Variants in DGKH observed in about 807,000 individuals in gnomAD.
DGKH encodes DAG kinase eta.
A neutral mutation model predicts 159.3 loss-of-function variants in DGKH; 90 were observed. The observed-to-expected ratio is 0.57, with a 90% CI of 0.48 to 0.67. The LOEUF (loss-of-function observed/expected upper bound fraction) is 0.67, where lower values mean the gene tolerates loss of function less well. Ranked by LOEUF, DGKH falls within the 30% of genes least tolerant of loss-of-function variation. The pLI is 0.00. For missense variants in DGKH, 1,181 were observed against 1,506.1 expected (o/e 0.78, Z 3.57); for synonymous variants, 536 against 553.8 (o/e 0.97, Z 0.45).
chr13:42,220,132 C>T (rs938788453), intron 28 of DGKH, among the ~76,000 whole-genome samples: 1 of 152,172 alleles, frequency 6.6e-6, no homozygotes, highest in Admixed American at 6.5e-5. Context: ...ATGGTTCTTT[C>T]TCAACAGCAA....
intron 3 of DGKH, among the ~76,000 whole-genome samples, chr13:42,132,363 T>G (rs1339681831): frequency 6.6e-6 from 1 of 152,252 alleles, no homozygotes; most frequent in African/African-American, 2.4e-5. Flanking sequence ...TATAGAACAC[T>G]GAAAATTATT....
intron 1 of DGKH, among the ~76,000 whole-genome samples, chr13:42,095,965 C>T (rs1954523425): frequency 1.3e-5 from 2 of 152,062 alleles, no homozygotes; most frequent in Admixed American, 1.3e-4. Flanking sequence ...TATGTCATTG[C>T]TTGTTATTTT....
intron 8 of DGKH, among the ~76,000 whole-genome samples, chr13:42,165,967 A>G (rs1365440234): frequency 1.3e-5 from 2 of 152,108 alleles, no homozygotes; most frequent in East Asian, 3.8e-4. Flanking sequence ...TTTACCATGT[A>G]TAATGCTATG....
At chr13:42,217,970 G>T (rs1165917149) in intron 26 of DGKH, among the ~76,000 whole-genome samples, 3 of 152,188 alleles carry the variant, frequency 2.0e-5, no homozygotes. Context: ...GAAGGCCAAG[G>T]TTACAGTGAG....
intron 3 of DGKH, among the ~76,000 whole-genome samples, chr13:42,147,850 G>T (rs1955777413): frequency 6.6e-6 from 1 of 152,134 alleles, no homozygotes; most frequent in African/African-American, 2.4e-5. Flanking sequence ...GTTCTCGGAA[G>T]GTGCCTGGCT....
chr13:42,180,268 T>C, intron 13 of DGKH, among the ~76,000 whole-genome samples: 1 of 152,170 alleles, frequency 6.6e-6, no homozygotes, highest in East Asian at 1.9e-4. Context: ...AACTGGAGAT[T>C]TGTCCATTTC....
intron 3 of DGKH, among the ~76,000 whole-genome samples, chr13:42,131,341 G>C (rs1044821548): frequency 7.9e-5 from 12 of 152,354 alleles, no homozygotes; most frequent in Middle Eastern, 6.8e-3. Context: ...AAAAGTTGAA[G>C]ACTCAGGAGA....
chr13:42,218,502 CTTTTTT>C (rs56173082), intron 26 of DGKH, among the ~76,000 whole-genome samples: 1 of 88,326 alleles, frequency 1.1e-5, no homozygotes, highest in Non-Finnish European at 2.2e-5. Flanking sequence ...CATGTGGTGA[CTTTTTT>C]TTTTTTTTTT....
intron 1 of DGKH, among the ~76,000 whole-genome samples, chr13:42,108,637 G>A (rs555172814): frequency 1.3e-5 from 2 of 152,300 alleles, no homozygotes; most frequent in Admixed American, 1.3e-4. Context: ...AAGTGGAGAT[G>A]TCAGGCAGGC....
chr13:42,087,847 A>G (rs907582099), intron 1 of DGKH, among the ~76,000 whole-genome samples: 1 of 151,746 alleles, frequency 6.6e-6, no homozygotes, highest in African/African-American at 2.4e-5. Flanking sequence ...CAGAAAAAGC[A>G]TTTGAGGAAG....
chr13:42,155,561 A>G, intron 4 of DGKH, 106 bp from the exon 5 acceptor site: 1 of 1,567,370 alleles, frequency 6.4e-7, no homozygotes, highest in Non-Finnish European at 8.7e-7. Context: ...GGTTTTAAAA[A>G]TGATGGATTT....
intron 1 of DGKH, among the ~76,000 whole-genome samples, chr13:42,081,168 C>A (rs1418258019): frequency 6.6e-6 from 1 of 151,812 alleles, no homozygotes; most frequent in East Asian, 1.9e-4. Context: ...TTTTATCGTT[C>A]TTTATTTTCA....
At position 42,165,313 on chromosome 13, in the gene DGKH, A is replaced by G. The variant is rs745924263; in HGVS notation, c.856-18A>G. On this transcript the variant is annotated intron_variant, in intron 7 of 29. Transcript: ENST00000337343. ...CATTATTTTTATGATTCTTGAAGGT[A>G]TATTTGTTTGTCATTAGGTACACAC... The G allele has an allele frequency of 6.0e-6, 8 of 1,331,964 alleles. No individual in the cohort carries two copies. The highest frequency in any genetic ancestry group is 4.2e-5 in the South Asian group (3 of 71,052). The allele number at this position is 1,331,964 out of a possible 1,614,324, so 82.5% of individuals were successfully genotyped here.
At chr13:42,171,655 A>C (rs1956457760) in intron 11 of DGKH, among the ~76,000 whole-genome samples, 1 of 152,080 alleles carries the variant, frequency 6.6e-6, no homozygotes, top group Non-Finnish European at 1.5e-5. Flanking sequence ...GATATTTACA[A>C]AGTTTAATTG....
intron 29 of DGKH, among the ~76,000 whole-genome samples, chr13:42,249,521 G>A (rs951158887): frequency 6.6e-6 from 1 of 152,158 alleles, no homozygotes; most frequent in Non-Finnish European, 1.5e-5. Flanking sequence ...AACTTTTTAC[G>A]TAAAGGGCCA....
chr13:42,139,150 A>T (rs965828176), intron 3 of DGKH, among the ~76,000 whole-genome samples: 2 of 152,182 alleles, frequency 1.3e-5, no homozygotes, highest in Non-Finnish European at 2.9e-5. Flanking sequence ...AGGGCGTAAG[A>T]AACCATTGGT....
chr13:42,076,582 A>G (rs1954105095), intron 1 of DGKH, among the ~76,000 whole-genome samples: 1 of 152,036 alleles, frequency 6.6e-6, no homozygotes. Context: ...ACTGCTATTC[A>G]AGTTTAGGTT....
rs1193017025 is a variant in DGKH, at chr13:42,237,577, AC to A, written c.*8390del. 1.3e-5 allele frequency: 2 copies of A among 152,224 alleles called. No homozygotes were observed. The highest frequency in any genetic ancestry group is 1.3e-4 in the Admixed American group (2 of 15,276). The allele number at this position is 152,224 out of a possible 1,614,324, so 9.4% of individuals were successfully genotyped here. Reference sequence around the variant, plus strand: ...AGTGTGCTGAGCACACCCCCAGAAAACAAAAAATATCACATTGATGAAGTCC... The same window carrying A: ...AGTGTGCTGAGCACACCCCCAGAAAAAAAAAATATCACATTGATGAAGTCC... On this transcript the variant is annotated 3_prime_UTR_variant, in exon 30 of 30. Transcript: ENST00000337343.
intron 1 of DGKH, among the ~76,000 whole-genome samples, chr13:42,081,067 A>G (rs184400420): frequency 3.6e-4 from 55 of 152,300 alleles, no homozygotes; most frequent in Admixed American, 3.5e-3. Context: ...CTTTGTTCAA[A>G]ATTTACCATG....
Sources: allele counts gnomAD v4.1 joint callset (sites outside exome capture counted in the v4.1 genomes callset), GRCh38; gene constraint gnomAD v4.1.1; transcripts MANE v1.5; gene names NCBI Gene and HGNC (gene_info 2026-07-23, HGNC 2026-07-21).